Variants in PACS1 observed in about 807,000 individuals in gnomAD.
PACS1 encodes phosphofurin acidic cluster sorting protein 1, also known as PACS-1.
In PACS1, 24 loss-of-function variants were observed where a neutral mutation model predicts 115.0. The observed-to-expected ratio is 0.21, with a 90% CI of 0.15 to 0.29. PACS1 has a LOEUF of 0.29. Among genes scored for constraint, PACS1 ranks in the 10% least tolerant of loss-of-function variants. The pLI, the probability that PACS1 is intolerant of heterozygous loss-of-function variation, is 1.00. For missense variants in PACS1, 838 were observed against 1,251.2 expected (o/e 0.67, Z 4.98); for synonymous variants, 453 against 504.5 (o/e 0.90, Z 1.37).
intron 19 of PACS1, among the ~76,000 whole-genome samples, chr11:66,237,475 C>G (rs1855728092): frequency 6.6e-6 from 1 of 152,214 alleles, no homozygotes. Context: ...TCTGCGCATC[C>G]AAGATGTGGG....
At chr11:66,102,427 C>T (rs1356117508) in intron 1 of PACS1, among the ~76,000 whole-genome samples, 5 of 151,846 alleles carry the variant, frequency 3.3e-5, no homozygotes, top group East Asian at 1.9e-4. Flanking sequence ...CAGGTTCAAG[C>T]GAGTCTCCTG....
intron 17 of PACS1, 113 bp downstream of exon 17, chr11:66,234,355 C>G (rs1197614086): frequency 1.3e-6 from 1 of 754,832 alleles, no homozygotes; most frequent in Non-Finnish European, 2.4e-6. Flanking sequence ...TCTCACCTTC[C>G]CGGTCACTCT....
chr11:66,136,110 G>A (rs1312622958), intron 1 of PACS1, among the ~76,000 whole-genome samples: 1 of 152,164 alleles, frequency 6.6e-6, no homozygotes, highest in Non-Finnish European at 1.5e-5. Flanking sequence ...ACGTAGATAC[G>A]TAAGTACGTC....
chr11:66,216,536 T>G lies in PACS1; in HGVS notation c.822T>G (p.Ile274Met), dbSNP rs1193371250. ...KSKLSDRSPD[I>M]DNYSEEEEES... Reference sequence around the variant, plus strand: ...CTGTTGCAGATCGTTCTCCTGATATTGACAATTATTCTGAGGAAGAGGAAG... The same window carrying G: ...CTGTTGCAGATCGTTCTCCTGATATGGACAATTATTCTGAGGAAGAGGAAG... Residue 274 changes from isoleucine (I) to methionine (M), a missense_variant, in exon 6 of 24, where the codon ATT becomes ATG. Physicochemically the swap from Ile to Met is conservative, Grantham distance 10. Around this residue, in one of 6 missense-constraint regions of PACS1, gnomAD observed 223 missense variants for 354.0 expected, o/e 0.63. Transcript: ENST00000320580. 6.2e-7 allele frequency: 1 copy of G among 1,613,960 alleles called. No individual in the cohort carries two copies. The highest frequency in any genetic ancestry group is 1.1e-5 in the South Asian group (1 of 91,084).
intron 7 of PACS1, 92 bp from the exon 8 acceptor site, chr11:66,219,654 C>T (rs749207412): frequency 2.7e-5 from 25 of 942,084 alleles, no homozygotes; most frequent in Non-Finnish European, 4.1e-5. Flanking sequence ...TCCCACAGCT[C>T]GTCATGAAAG....
At chr11:66,084,394 T>C (rs1421034927) in intron 1 of PACS1, among the ~76,000 whole-genome samples, 1 of 152,172 alleles carries the variant, frequency 6.6e-6, no homozygotes, top group African/African-American at 2.4e-5. Flanking sequence ...TCACAGGCCA[T>C]TGTGGGACTC....
chr11:66,142,622 TAA>T (rs757969555), intron 1 of PACS1, among the ~76,000 whole-genome samples: 45 of 125,866 alleles, frequency 3.6e-4, no homozygotes, highest in East Asian at 1.3e-3. Context: ...AGCATTTTAT[TAA>T]AAAAAAAAAA....
intron 1 of PACS1, among the ~76,000 whole-genome samples, chr11:66,074,377 G>A (rs1857359933): frequency 6.6e-6 from 1 of 152,148 alleles, no homozygotes; most frequent in Non-Finnish European, 1.5e-5. Context: ...TGGGGACCAG[G>A]TGGCATGCTG....
At chr11:66,217,529 A>C (rs557082) in intron 7 of PACS1, 456,113 of 456,128 alleles carry the variant, frequency 1, 228,049 homozygotes, top group Non-Finnish European at 1. Flanking sequence ...TAGGGACCAA[A>C]CCCCTGAGAG....
intron 1 of PACS1, among the ~76,000 whole-genome samples, chr11:66,089,454 G>A (rs1025560784): frequency 7.2e-5 from 11 of 152,124 alleles, no homozygotes; most frequent in Non-Finnish European, 1.6e-4. Context: ...ATAAAAATTA[G>A]CAAACAGTTA....
chr11:66,169,566 ATTTTTTTTTTTTT>A (rs59176258), intron 1 of PACS1, among the ~76,000 whole-genome samples: 1 of 115,314 alleles, frequency 8.7e-6, no homozygotes. Flanking sequence ...CGCCCGGCTA[ATTTTTTTTTTTTT>A]TTTTTGTATC....
rs555714364 is a variant in PACS1, at chr11:66,229,387, TAAA to T, written c.1375-1155_1375-1153del. Reference sequence around the variant, plus strand: ...CTGTGCAAGAGAGCAAGACCCTGTCTAAAAAAAATTTAAAAGGATGTCAGGAAT... The same window carrying T: ...CTGTGCAAGAGAGCAAGACCCTGTCTAAAAATTTAAAAGGATGTCAGGAAT... On this transcript the variant is annotated intron_variant, in intron 11 of 23. Transcript: ENST00000320580. 2.7e-3 allele frequency among the ~76,000 whole-genome samples: 409 copies of T among 151,710 alleles called. 2 individuals carry two copies. Among genetic ancestry groups the T allele is most frequent in the African/African-American group, 9.4e-3 (387 of 41,370 alleles).
At chr11:66,211,535 A>G (rs1855069566) in intron 4 of PACS1, among the ~76,000 whole-genome samples, 2 of 152,252 alleles carry the variant, frequency 1.3e-5, no homozygotes, top group South Asian at 4.1e-4. Context: ...AATAGTACAA[A>G]GAGTTCCCAT....
At chr11:66,189,057 T>C (rs2134667148) in intron 1 of PACS1, among the ~76,000 whole-genome samples, 1 of 152,286 alleles carries the variant, frequency 6.6e-6, no homozygotes, top group Admixed American at 6.5e-5. Flanking sequence ...ATAGGTATAA[T>C]ACCCACCTCT....
intron 1 of PACS1, among the ~76,000 whole-genome samples, chr11:66,141,531 G>A (rs1472368550): frequency 6.6e-6 from 1 of 151,930 alleles, no homozygotes; most frequent in Non-Finnish European, 1.5e-5. Context: ...GTGGGTGCCT[G>A]TAGTCCTGGC....
At chr11:66,174,200 TAAC>T (rs1369863061) in intron 1 of PACS1, among the ~76,000 whole-genome samples, 1 of 151,882 alleles carries the variant, frequency 6.6e-6, no homozygotes, top group Non-Finnish European at 1.5e-5. Flanking sequence ...TTAAATAAAA[TAAC>T]AAAAAAATCA....
At chr11:66,120,945 C>T (rs76287398) in intron 1 of PACS1, 5,416 of 451,614 alleles carry the variant, frequency 0.012, 267 homozygotes, top group African/African-American at 0.098. Flanking sequence ...GGCCTGTGCA[C>T]GCCTCTCTCT....
At chr11:66,090,925 G>A (rs951896605) in intron 1 of PACS1, among the ~76,000 whole-genome samples, 2 of 152,160 alleles carry the variant, frequency 1.3e-5, no homozygotes, top group Non-Finnish European at 2.9e-5. Flanking sequence ...TGTAAGTTGT[G>A]AAGAAGGGAT....
chr11:66,191,631 C>G (rs1303169459), intron 1 of PACS1, among the ~76,000 whole-genome samples: 2 of 152,162 alleles, frequency 1.3e-5, no homozygotes, highest in African/African-American at 2.4e-5. Flanking sequence ...GATGAAGAGA[C>G]CTGATAAGCT....
Sources: gnomAD v4.1 joint callset for allele counts (sites outside exome capture counted in the v4.1 genomes callset) on GRCh38, gnomAD v4.1.1 for gene constraint, gnomAD v4.1.1 regional missense constraint, MANE v1.5 for transcripts, NCBI Gene and HGNC (gene_info 2026-07-23, HGNC 2026-07-21) for gene names.